The following SRCAP variants were observed in gnomAD, a reference collection of about 807,000 sequenced individuals.
SRCAP encodes the protein chromatin remodeling protein SRCAP.
In SRCAP, 46 loss-of-function variants were observed where a neutral mutation model predicts 263.1. The observed-to-expected ratio is 0.17, with a 90% CI of 0.14 to 0.22. The LOEUF (loss-of-function observed/expected upper bound fraction) is 0.22. Ranked by LOEUF, SRCAP falls within the 10% of genes least tolerant of loss-of-function variation. The pLI is 1.00. For missense variants in SRCAP, 3,695 were observed against 4,181.9 expected (o/e 0.88, Z 3.21); for synonymous variants, 1,813 against 1,662.1 (o/e 1.09, Z -2.21).
At chr16:30,707,122 C>A in intron 4 of SRCAP, 61 bp from the exon 5 acceptor site, 1 of 1,554,786 alleles carries the variant, frequency 6.4e-7, no homozygotes, top group Non-Finnish European at 8.8e-7. Flanking sequence ...GGAATTCAGC[C>A]GTGGCAGTGA....
rs1297079901 is a variant in SRCAP at position 30,737,665 on chromosome 16, A to G, written c.7625A>G (p.Asn2542Ser). The change falls in exon 34 of 34, where the codon AAT (asparagine) becomes AGT (serine). Residue 2542 changes from asparagine to serine, a missense_variant. Transcript: ENST00000262518. ...GTGCCCATCTCTGCCTCAGTCACTA[A>G]TCTCCCCTTGGGCTTGAGGCCTGAG... Reference protein sequence around the residue: ...PSVPISASVTNLPLGLRPEAE... With the variant: ...PSVPISASVTSLPLGLRPEAE... 1.9e-6 allele frequency: 3 copies of G among 1,613,682 alleles called. No individual in the cohort carries two copies. The African/African-American group carries it at 4.0e-5, about 22-fold the overall frequency.
At position 30,737,203 on chromosome 16, in the gene SRCAP, C is replaced by G; in HGVS notation, c.7163C>G (p.Pro2388Arg). 1.9e-6 allele frequency: 3 copies of G among 1,614,068 alleles called. No individual in the cohort carries two copies. The highest frequency in any genetic ancestry group is 2.5e-6 in the Non-Finnish European group (3 of 1,180,002). Residue 2388 changes from proline to arginine, a missense_variant, in exon 34 of 34, where the codon CCT becomes CGT. Pro to Arg is a moderately radical substitution (Grantham distance 103). Coordinates refer to ENST00000262518, the MANE Select transcript of SRCAP (RefSeq NM_006662.3). ...CGGCGCAGTAAAAAGGCCAAAGCCC[C>G]TGAGAGGCCGGGGACTCGTGTCAGT... ...THRRSKKAKAPERPGTRVSER... is the reference protein window; with the variant it reads ...THRRSKKAKARERPGTRVSER...
In SRCAP at chr16:30,736,238, A is replaced by G. The variant is rs1182981066; in HGVS notation, c.6768A>G (p.Ala2256=). The G allele has an allele frequency of 6.2e-7, 1 of 1,614,050 alleles. No individual in the cohort carries two copies. Among genetic ancestry groups the G allele is most frequent in the Non-Finnish European group, 8.5e-7 (1 of 1,180,038 alleles). Residue 2256 remains alanine, a synonymous_variant, in exon 32 of 34, where the codon GCA becomes GCG. Transcript: ENST00000262518. Reference sequence around the variant, plus strand: ...CAGAAGATGAAGAGGATATCCGTGCAGCCACCCAGGCCAAGGCTGAACAGG... The same window carrying G: ...CAGAAGATGAAGAGGATATCCGTGCGGCCACCCAGGCCAAGGCTGAACAGG... The part of the protein sequence containing the change: ...CRAEDEEDIR[A]ATQAKAEQVA...
At chr16:30,714,404 T>G (rs1262502331) in intron 16 of SRCAP, among the ~76,000 whole-genome samples, 1 of 151,738 alleles carries the variant, frequency 6.6e-6, no homozygotes, top group East Asian at 1.9e-4. Context: ...AGAGTCGGAG[T>G]TTCACCGTGT....
rs1199822651 is a variant in SRCAP at position 30,704,047 on chromosome 16, A to G, written c.55-17A>G. The G allele has an allele frequency of 2.5e-6, 4 of 1,600,846 alleles. No individual in the cohort carries two copies. The highest frequency in any genetic ancestry group is 3.4e-5 in the Admixed American group (2 of 58,372). On this transcript the variant is annotated splice_polypyrimidine_tract_variant and intron_variant, in intron 3 of 33. Coordinates refer to ENST00000262518, the MANE Select transcript of SRCAP (RefSeq NM_006662.3). ...GTGCGAAGCATTTATTTTCTCCATC[A>G]TTTTCCTCTTTTCTAGATGGTGTCG... is the stretch of plus-strand genomic sequence containing the variant.
chr16:30,737,832 A>G lies in SRCAP; in HGVS notation c.7792A>G (p.Lys2598Glu), dbSNP rs777239296. The change falls in exon 34 of 34, where the codon AAG becomes GAG. Residue 2598 changes from lysine (K) to glutamate (E), a missense_variant. By Grantham distance (56) the Lys-to-Glu change is moderately conservative (BLOSUM62 1). Coordinates refer to ENST00000262518, the MANE Select transcript of SRCAP (RefSeq NM_006662.3). ...TGTGGAGATCCTGCCTGTGTCAGAGAAGAACCTTTCTCTCACCCCTTCTGC... is the reference window on the plus strand; with the variant it reads ...TGTGGAGATCCTGCCTGTGTCAGAGGAGAACCTTTCTCTCACCCCTTCTGC... ...VAVEILPVSE[K>E]NLSLTPSAPS... The G allele has an allele frequency of 3.7e-6, 6 of 1,613,992 alleles. No individual in the cohort carries two copies. Among genetic ancestry groups the G allele is most frequent in the African/African-American group, 2.7e-5 (2 of 74,888 alleles).
rs2052885701 is a variant in SRCAP at position 30,711,069 on chromosome 16, G to C, written c.1299G>C (p.Leu433=). Reference sequence around the variant, plus strand: ...GGGAGGTGGATCATGCCATGGAGCTGAGCGAGTTGGCTCGAGAAGGTGACA... The same window carrying C: ...GGGAGGTGGATCATGCCATGGAGCTCAGCGAGTTGGCTCGAGAAGGTGACA... ...LEGEVDHAME[L]SELAREGELS... is the part of the protein sequence containing the mutation. The change falls in exon 10 of 34, where the codon CTG becomes CTC. Residue 433 remains leucine, a synonymous_variant. Transcript: ENST00000262518. The C allele has an allele frequency of 6.2e-7, 1 of 1,613,702 alleles. No individual in the cohort carries two copies. Among genetic ancestry groups the C allele is most frequent in the African/African-American group, 1.3e-5 (1 of 74,924 alleles).
In SRCAP at chr16:30,739,888, A is replaced by G; in HGVS notation, c.*155A>G. On this transcript the variant is annotated 3_prime_UTR_variant, in exon 34 of 34. Coordinates refer to ENST00000262518, the MANE Select transcript of SRCAP (RefSeq NM_006662.3). The stretch of plus-strand genomic sequence containing the variant: ...TTCCCACCAAAGTAGGGGGTAGGCA[A>G]CTGGTTGTCATGGAAATGGGGATCA... 5 of 1,220,280 alleles carry G rather than the reference A, an allele frequency of 4.1e-6. No homozygotes were observed. Among genetic ancestry groups the G allele is most frequent in the Non-Finnish European group, 5.4e-6 (5 of 921,554 alleles). 75.6% of individuals were successfully genotyped at this position (1,220,280 alleles called of 1,614,324 possible).
At position 30,733,629 on chromosome 16, in the gene SRCAP, A is replaced by G. The variant is rs1220317223; in HGVS notation, c.6325A>G (p.Lys2109Glu). 6.2e-7 allele frequency: 1 copy of G among 1,613,956 alleles called. No individual in the cohort carries two copies. The highest frequency in any genetic ancestry group is 1.3e-5 in the African/African-American group (1 of 74,898). ...QALMERFNAD[K>E]RIFCFILSTR... ...CTTGATGGAACGGTTCAATGCAGAC[A>G]AACGCATATTCTGCTTCATCCTTTC... The change falls in exon 29 of 34, where the codon AAA becomes GAA. Residue 2109 changes from lysine (K) to glutamate (E), a missense_variant. Transcript: ENST00000262518. The surrounding 1 kb of genome is among the most constrained non-coding windows in gnomAD (Gnocchi z 5.3).
At position 30,724,519 on chromosome 16, in the gene SRCAP, A is replaced by G; in HGVS notation, c.5095A>G (p.Thr1699Ala). Residue 1699 changes from threonine to alanine, a missense_variant, in exon 25 of 34, where the codon ACA (threonine) becomes GCA (alanine). This residue lies in a region of SRCAP where 1,347 missense variants were observed against 1,304.4 expected (regional missense o/e 1.03). Coordinates refer to ENST00000262518, the MANE Select transcript of SRCAP (RefSeq NM_006662.3). ...TCTTGGAGGCTCATCTCCATCTCAG[A>G]CACTCTCTTTGGGAACGGGGAACCC... ...PTLGGSSPSQ[T>A]LSLGTGNPQG... The G allele has an allele frequency of 2.5e-6, 4 of 1,614,036 alleles. No individual in the cohort carries two copies. Among genetic ancestry groups the G allele is most frequent in the Non-Finnish European group, 8.5e-7 (1 of 1,180,014 alleles).
At position 30,737,181 on chromosome 16, in the gene SRCAP, C is replaced by T. The variant is rs1430925699; in HGVS notation, c.7141C>T (p.Arg2381Cys). 5.0e-6 allele frequency: 8 copies of T among 1,613,972 alleles called. No homozygotes were observed. Among genetic ancestry groups the T allele is most frequent in the South Asian group, 1.1e-5 (1 of 91,070 alleles). ...TGGGACTGGTGGAGGCACCCACCGGCGCAGTAAAAAGGCCAAAGCCCCTGA... is the reference window on the plus strand; with the variant it reads ...TGGGACTGGTGGAGGCACCCACCGGTGCAGTAAAAAGGCCAAAGCCCCTGA... ...SCGTGGGTHRRSKKAKAPERP... is the reference protein window; with the variant it reads ...SCGTGGGTHRCSKKAKAPERP... Residue 2381 changes from arginine to cysteine, a missense_variant, in exon 34 of 34, where the codon CGC (arginine) becomes TGC (cysteine). Coordinates refer to ENST00000262518, the MANE Select transcript of SRCAP (RefSeq NM_006662.3).
chr16:30,711,621 C>T lies in SRCAP; in HGVS notation c.1369C>T (p.Pro457Ser), dbSNP rs771207559. The T allele has an allele frequency of 6.8e-6, 11 of 1,613,148 alleles. No individual in the cohort carries two copies. The highest frequency in any genetic ancestry group is 5.3e-5 in the African/African-American group (4 of 74,818). The change falls in exon 11 of 34, where the codon CCA becomes TCA. Residue 457 changes from proline to serine, a missense_variant. By Grantham distance (74) the Pro-to-Ser change is moderately conservative. Coordinates refer to ENST00000262518, the MANE Select transcript of SRCAP (RefSeq NM_006662.3). The stretch of plus-strand genomic sequence containing the variant: ...GCAGCAGTATGCAGGAGCCTATGCC[C>T]CAGGCTCTGGGAGCAGTGAAGATGA... ...LLQQYAGAYA[P>S]GSGSSEDEDE...
rs765276605 is a variant in SRCAP at position 30,720,259 on chromosome 16, G to C, written c.2915G>C (p.Arg972Pro). 6 of 1,614,168 alleles carry C rather than the reference G, an allele frequency of 3.7e-6. No individual in the cohort carries two copies. In the East Asian group the frequency reaches 8.9e-5, roughly 24 times the overall value. The change falls in exon 19 of 34, where the codon CGG becomes CCG. Residue 972 changes from arginine to proline, a missense_variant. Transcript: ENST00000262518. Reference sequence around the variant, plus strand: ...CTGCCCCGGCACCGCCTCTCTCGCCGGGTACTGTTAGAAGTGGCTACTGCT... The same window carrying C: ...CTGCCCCGGCACCGCCTCTCTCGCCCGGTACTGTTAGAAGTGGCTACTGCT... ...TFLPRHRLSR[R>P]VLLEVATAPD... is the part of the protein sequence containing the mutation.
chr16:30,707,649 G>A lies in SRCAP; in HGVS notation c.570G>A (p.Lys190=). 1 of 1,614,204 alleles carries A rather than the reference G, an allele frequency of 6.2e-7. No homozygotes were observed. Among genetic ancestry groups the A allele is most frequent in the East Asian group, 2.2e-5 (1 of 44,874 alleles). Residue 190 remains lysine, a synonymous_variant, in exon 6 of 34, where the codon AAG becomes AAA. Transcript: ENST00000262518. ...EERARREEQA[K]LRRIASTMAK... is the part of the protein sequence containing the mutation. ...GGGCCCGGAGGGAGGAGCAGGCCAA[G>A]CTGCGTCGAATTGCTTCCACCATGG...
chr16:30,738,972 C>T lies in SRCAP; in HGVS notation c.8932C>T (p.Leu2978Phe). 6.2e-7 allele frequency: 1 copy of T among 1,613,684 alleles called. No homozygotes were observed. The highest frequency in any genetic ancestry group is 8.5e-7 in the Non-Finnish European group (1 of 1,179,764). ...CCCACACCCATCACCCCTAACCCCA[C>T]TCCCACCACTGCTAGTTTGTCCCAC... ...PPPHPSPLTPLPPLLVCPTAT... is the reference protein window; with the variant it reads ...PPPHPSPLTPFPPLLVCPTAT... Residue 2978 changes from leucine (L) to phenylalanine (F), a missense_variant, in exon 34 of 34, where the codon CTC (leucine) becomes TTC (phenylalanine). By Grantham distance (22) the Leu-to-Phe change is conservative. Around this residue, in one of 12 missense-constraint regions of SRCAP, gnomAD observed 1,207 missense variants for 1,142.9 expected, o/e 1.06. Transcript: ENST00000262518.
chr16:30,716,245 G>A (rs1304078300), intron 17 of SRCAP, 43 bp downstream of exon 17: 1 of 1,613,606 alleles, frequency 6.2e-7, no homozygotes, highest in South Asian at 1.1e-5. Flanking sequence ...CGAGATTGGA[G>A]TGTAGGTGGC....
chr16:30,713,791 C>T (rs2052916247), intron 16 of SRCAP, 80 bp downstream of exon 16: 2 of 1,389,154 alleles, frequency 1.4e-6, no homozygotes, highest in Non-Finnish European at 9.9e-7. Context: ...CCCAGGAAAC[C>T]CTTGGGGAGA....
chr16:30,724,363 C>T lies in SRCAP; in HGVS notation c.4939C>T (p.Pro1647Ser), dbSNP rs771693471. 4 of 1,614,218 alleles carry T rather than the reference C, an allele frequency of 2.5e-6. No individual in the cohort carries two copies. Among genetic ancestry groups the T allele is most frequent in the Non-Finnish European group, 3.4e-6 (4 of 1,180,042 alleles). ...AGGAACCTCTTTAGCCTCAGCTTCA[C>T]CGGTACCAGCTCCAACCCCTGTGTT... ...TPGTSLASAS[P>S]VPAPTPVLAP... Residue 1647 changes from proline to serine, a missense_variant, in exon 25 of 34, where the codon CCG becomes TCG. Physicochemically the swap from Pro to Ser is moderately conservative, Grantham distance 74. Coordinates refer to ENST00000262518, the MANE Select transcript of SRCAP (RefSeq NM_006662.3).
At chr16:30,718,816 T>C (rs2052980475) in intron 18 of SRCAP, among the ~76,000 whole-genome samples, 2 of 152,150 alleles carry the variant, frequency 1.3e-5, no homozygotes, top group South Asian at 2.1e-4. Flanking sequence ...ATTTTTTTCT[T>C]TTGTTGGCTG....
Sources: gnomAD v4.1 joint callset for allele counts (sites outside exome capture counted in the v4.1 genomes callset) on GRCh38, gnomAD v4.1.1 for gene constraint, gnomAD v4.1.1 regional missense constraint, Gnocchi (gnomAD v3.1) non-coding constraint, MANE v1.5 for transcripts, NCBI Gene and HGNC (gene_info 2026-07-23, HGNC 2026-07-21) for gene names.